The following RPL9 variants were observed in gnomAD, a reference collection of about 807,000 sequenced individuals.
RPL9 encodes the protein large ribosomal subunit protein uL6.
For missense variants in RPL9, 149 were observed against 236.7 expected, an observed-to-expected ratio of 0.63 and a Z score of 2.43; for synonymous variants, 82 against 77.1, an observed-to-expected ratio of 1.06 and a Z score of -0.33.
chr4:39,457,535 G>A (rs1482245152), intron 4 of RPL9, 51 bp downstream of exon 4: 1 of 1,435,160 alleles, frequency 7.0e-7, no homozygotes, highest in South Asian at 1.1e-5. Flanking sequence ...TAAAGCACAG[G>A]TTTGAGAAAC....
In RPL9 at chr4:39,456,509, A is replaced by G. The variant is rs1180069048; in HGVS notation, c.288T>C (p.Tyr96=). 5.0e-6 allele frequency: 8 copies of G among 1,614,098 alleles called. No homozygotes were observed. Among genetic ancestry groups the G allele is most frequent in the Non-Finnish European group, 6.8e-6 (8 of 1,179,942 alleles). ...TAACAACGTTGATGGGGAAGTGAGCATACACAGACCTCATCTTGTAACGGA... is the reference window on the plus strand; with the variant it reads ...TAACAACGTTGATGGGGAAGTGAGCGTACACAGACCTCATCTTGTAACGGA... The part of the protein sequence containing the change: ...LGFRYKMRSV[Y]AHFPINVVIQ... The change falls in exon 5 of 8, where the codon TAT becomes TAC. Residue 96 remains tyrosine, a synonymous_variant. Transcript: ENST00000295955.
intron 5 of RPL9, 77 bp downstream of exon 5, chr4:39,456,329 T>C (rs1744083912): frequency 4.0e-6 from 6 of 1,501,292 alleles, no homozygotes; most frequent in Admixed American, 1.7e-5. Context: ...AACTAAAGTA[T>C]GGAAGTTGGG....
At chr4:39,457,911 C>T (rs576055406) in intron 3 of RPL9, 49 of 622,482 alleles carry the variant, frequency 7.9e-5, no homozygotes, top group Admixed American at 5.8e-4. Context: ...GACCTACTGC[C>T]GGTTCCTGTG....
At chr4:39,456,949 T>C (rs1744109666) in intron 4 of RPL9, 1 of 182,772 alleles carries the variant, frequency 5.5e-6, no homozygotes, top group Non-Finnish European at 1.2e-5. Flanking sequence ...AACAGATTTA[T>C]AATAGATGTA....
rs549951178 is a variant in RPL9 at position 39,458,743 on chromosome 4, G to T, written c.-2+148C>A. On this transcript the variant is annotated intron_variant, in intron 1 of 7. Coordinates refer to ENST00000295955, the MANE Select transcript of RPL9 (RefSeq NM_000661.5). The stretch of plus-strand genomic sequence containing the variant: ...GGCCAAAAAGCCCACAACAGGATTC[G>T]CATCTGGCGCCGCCAGGCTCATATG... 229 of 659,682 alleles carry T rather than the reference G, an allele frequency of 3.5e-4. No homozygotes were observed. In the African/African-American group the frequency reaches 3.5e-3, roughly 10 times the overall value. 40.9% of individuals were successfully genotyped at this position (659,682 alleles called of 1,614,324 possible).
At chr4:39,454,738 AG>A in intron 6 of RPL9, 89 bp from the exon 7 acceptor site, 1 of 1,449,552 alleles carries the variant, frequency 6.9e-7, no homozygotes, top group South Asian at 1.3e-5. Context: ...TTAAAATTTC[AG>A]AATGTGACCT....
rs774055448 is a variant in RPL9 at position 39,458,898 on chromosome 4, T to C, written c.-9A>G. 2.8e-6 allele frequency: 2 copies of C among 704,550 alleles called. No individual in the cohort carries two copies. The highest frequency in any genetic ancestry group is 2.7e-5 in the East Asian group (1 of 37,176). The allele number at this position is 704,550 out of a possible 1,614,324, so 43.6% of individuals were successfully genotyped here. A position where few individuals can be genotyped will look rare whatever the true frequency, so the allele number is the denominator to read the frequency against. ...GCACAGAAACATCCTTACCTCGCAG[T>C]AGACGCAGCAAAGAAAGAACGTCTG... is the stretch of plus-strand genomic sequence containing the variant. On this transcript the variant is annotated 5_prime_UTR_variant, in exon 1 of 8. Transcript: ENST00000295955.
In RPL9 at chr4:39,458,308, G is replaced by A. The variant is rs767101796; in HGVS notation, c.48C>T (p.Val16=). 1 of 1,613,970 alleles carries A rather than the reference G, an allele frequency of 6.2e-7. No homozygotes were observed. The highest frequency in any genetic ancestry group is 1.7e-5 in the Admixed American group (1 of 60,008). Residue 16 remains valine, a splice_region_variant and synonymous_variant, in exon 3 of 8, where the codon GTC becomes GTT. Coordinates refer to ENST00000295955, the MANE Select transcript of RPL9 (RefSeq NM_000661.5). ...CTGTGCGTCCCTTCAGAGTAATGTC[G>A]ACTAGAAGAGAGAACACACTCGTCA... ...SNQTVDIPEN[V]DITLKGRTVI... is the part of the protein sequence containing the mutation.
At chr4:39,456,591 A>C in intron 4 of RPL9, 53 bp from the exon 5 acceptor site, 1 of 1,579,556 alleles carries the variant, frequency 6.3e-7, no homozygotes, top group Middle Eastern at 1.7e-4. Flanking sequence ...TATTTTTAAT[A>C]GTTTTAAAAT....
In RPL9 at chr4:39,454,580, A is replaced by C; in HGVS notation, c.542T>G (p.Val181Gly). ...CTGCTGAACAGTTCCTTTTTCAGAG[A>C]CATAGATACCATCCAAAAATTTCCT... is the stretch of plus-strand genomic sequence containing the variant. Reference protein sequence around the residue: ...DIRKFLDGIYVSEKGTVQQAD... With the variant: ...DIRKFLDGIYGSEKGTVQQAD... Residue 181 changes from valine to glycine, a missense_variant, in exon 7 of 8, where the codon GTC becomes GGC. Transcript: ENST00000295955. The C allele has an allele frequency of 3.1e-6, 5 of 1,613,020 alleles. No homozygotes were observed. Among genetic ancestry groups the C allele is most frequent in the Non-Finnish European group, 4.2e-6 (5 of 1,179,692 alleles).
intron 3 of RPL9, chr4:39,457,912 G>GC (rs1744176445): frequency 1.6e-6 from 1 of 622,822 alleles, no homozygotes; most frequent in East Asian, 2.8e-5. Flanking sequence ...ACCTACTGCC[G>GC]GTTCCTGTGA....
At chr4:39,456,129 C>G in intron 5 of RPL9, 1 of 434,518 alleles carries the variant, frequency 2.3e-6, no homozygotes, top group Non-Finnish European at 4.3e-6. Flanking sequence ...AATTTAAAGT[C>G]TTTTTAAAAG....
chr4:39,458,859 C>G, intron 1 of RPL9, 32 bp downstream of exon 1: 1 of 697,146 alleles, frequency 1.4e-6, no homozygotes, highest in Non-Finnish European at 2.6e-6. Context: ...TTCAGATTCC[C>G]AGTACCCCCA....
rs1032833944 is a variant in RPL9, at chr4:39,458,313, G to C, written c.47-4C>G. The C allele has an allele frequency of 1.8e-5, 29 of 1,613,964 alleles. No individual in the cohort carries two copies. The highest frequency in any genetic ancestry group is 2.2e-5 in the Non-Finnish European group (26 of 1,179,970). ...CGTCCCTTCAGAGTAATGTCGACTA[G>C]AAGAGAGAACACACTCGTCAGGCCA... On this transcript the variant is annotated splice_region_variant and splice_polypyrimidine_tract_variant and intron_variant, in intron 2 of 7. Coordinates refer to ENST00000295955, the MANE Select transcript of RPL9 (RefSeq NM_000661.5).
intron 5 of RPL9, 139 bp from the exon 6 acceptor site, chr4:39,455,083 C>T: frequency 2.4e-6 from 2 of 821,430 alleles, no homozygotes; most frequent in Admixed American, 2.9e-5. Flanking sequence ...GGCACAGTGG[C>T]TCACGCCTGT....
chr4:39,458,919 G>A lies in RPL9; in HGVS notation c.-30C>T, dbSNP rs116433592. 4,227 of 714,704 alleles carry A rather than the reference G, an allele frequency of 5.9e-3. 15 individuals are homozygous for A. The highest frequency in any genetic ancestry group is 8.5e-3 in the Non-Finnish European group (3,329 of 393,444). 44.3% of individuals were successfully genotyped at this position (714,704 alleles called of 1,614,324 possible). ...GCAGTAGACGCAGCAAAGAAAGAAC[G>A]TCTGTCGTCATTACGTACTTGTATC... On this transcript the variant is annotated 5_prime_UTR_variant, in exon 1 of 8. The change creates a new upstream start codon in the 5' untranslated region. Coordinates refer to ENST00000295955, the MANE Select transcript of RPL9 (RefSeq NM_000661.5).
Position 39,458,391 on chromosome 4 carries a change from T to C in RPL9, c.46+3A>G. 2 of 1,614,230 alleles carry C rather than the reference T, an allele frequency of 1.2e-6. No homozygotes were observed. Among genetic ancestry groups the C allele is most frequent in the East Asian group, 2.2e-5 (1 of 44,886 alleles). ...TGTAAGTAAAAGACATCAAGTCTCA[T>C]ACCATTTTCTGGAATGTCGACAGTC... On this transcript the variant is annotated splice_donor_region_variant and intron_variant, in intron 2 of 7. Coordinates refer to ENST00000295955, the MANE Select transcript of RPL9 (RefSeq NM_000661.5).
Position 39,454,345 on chromosome 4 carries a change from G to C in RPL9, c.*11-120C>G, listed in dbSNP as rs1744004619. 2.2e-5 allele frequency: 12 copies of C among 535,240 alleles called. No homozygotes were observed. In the South Asian group the frequency reaches 3.2e-4, roughly 14 times the overall value. 33.2% of individuals were successfully genotyped at this position (535,240 alleles called of 1,614,324 possible). On this transcript the variant is annotated intron_variant, in intron 7 of 7. Transcript: ENST00000295955. ...ACATACCTCAAGACTATGACTTACT[G>C]ATTCATAGTAAACTATACGTAGTAA...
chr4:39,455,966 T>G, intron 5 of RPL9: 1 of 229,262 alleles, frequency 4.4e-6, no homozygotes, highest in Non-Finnish European at 8.7e-6. Context: ...CTCATGTAGT[T>G]TTCTCTTTAG....
Sources: allele counts gnomAD v4.1 joint callset, GRCh38; gene constraint gnomAD v4.1.1; transcripts MANE v1.5; gene names NCBI Gene and HGNC (gene_info 2026-07-23, HGNC 2026-07-21).